Variants in ERN2 observed in about 807,000 individuals in gnomAD.
ERN2 encodes serine/threonine-protein kinase/endoribonuclease IRE2.
Under a neutral mutation model 107.9 loss-of-function variants are expected in ERN2, and 111 were observed. The ratio of observed to expected loss-of-function variants is 1.03; its 90% CI spans 0.88 to 1.20. The LOEUF (loss-of-function observed/expected upper bound fraction) is 1.20, where lower values mean the gene tolerates loss of function less well. ERN2 is among the 50% of genes most tolerant of loss of function. The pLI is 0.00. For missense variants in ERN2, 1,225 were observed against 1,197.9 expected (o/e 1.02, Z -0.33); for synonymous variants, 524 against 501.7 (o/e 1.04, Z -0.59).
intron 8 of ERN2, among the ~76,000 whole-genome samples, chr16:23,704,345 C>T (rs768364117): frequency 6.6e-6 from 1 of 152,048 alleles, no homozygotes; most frequent in Admixed American, 6.6e-5. Flanking sequence ...GGTAGGGACC[C>T]GGTGGGAGGT....
At position 23,702,160 on chromosome 16, in the gene ERN2, A is replaced by G. The variant is rs1960100734; in HGVS notation, c.1195T>C (p.Phe399Leu). Residue 399 changes from phenylalanine (F) to leucine (L), a missense_variant, in exon 11 of 22, where the codon TTC becomes CTC. Transcript: ENST00000256797. ...PPENTQAPAF[F>L]LELLSLSREK... ...CCCCTCCCAGCACTGACCTCCAAGAAGAAGGCTGGGGCCTGGGTATTCTCT... is the reference window on the plus strand; with the variant it reads ...CCCCTCCCAGCACTGACCTCCAAGAGGAAGGCTGGGGCCTGGGTATTCTCT... 6.2e-7 allele frequency: 1 copy of G among 1,613,264 alleles called. No individual in the cohort carries two copies.
Position 23,690,662 on chromosome 16 carries a change from G to C in ERN2, c.*169C>G. The C allele has an allele frequency of 1.6e-6, 1 of 623,900 alleles. No individual in the cohort carries two copies. The highest frequency in any genetic ancestry group is 2.8e-5 in the East Asian group (1 of 36,284). 38.6% of individuals were successfully genotyped at this position (623,900 alleles called of 1,614,324 possible). A position where few individuals can be genotyped will look rare whatever the true frequency, so the allele number is the denominator to read the frequency against. ...GTAGAAATGGGGTGTTGCCATGTTG[G>C]CCAGGCTGGTCTCGAACTCCTGAGC... On this transcript the variant is annotated 3_prime_UTR_variant, in exon 22 of 22. Transcript: ENST00000256797.
intron 2 of ERN2, among the ~76,000 whole-genome samples, 156 bp downstream of exon 2, chr16:23,710,757 G>A (rs911397852): frequency 3.3e-5 from 5 of 152,220 alleles, no homozygotes; most frequent in Admixed American, 2.0e-4. Flanking sequence ...GGTAAGGTGG[G>A]TTTCTCAAGG....
rs767113743 is a variant in ERN2, at chr16:23,692,339, CAG to C, written c.2101-10_2101-9del. Reference sequence around the variant, plus strand: ...GATGTCCACAGCGCTGGTCTGGAGCCAGAGAGATGGGCATGAGAAGGAAATCT... The same window carrying C: ...GATGTCCACAGCGCTGGTCTGGAGCCAGAGATGGGCATGAGAAGGAAATCT... On this transcript the variant is annotated splice_polypyrimidine_tract_variant and intron_variant, in intron 17 of 21. Coordinates refer to ENST00000256797, the MANE Select transcript of ERN2 (RefSeq NM_033266.4). 1 of 1,611,376 alleles carries C rather than the reference CAG, an allele frequency of 6.2e-7. No individual in the cohort carries two copies. Among genetic ancestry groups the C allele is most frequent in the Non-Finnish European group, 8.5e-7 (1 of 1,179,976 alleles).
chr16:23,703,339 C>T (rs1268341863), intron 8 of ERN2, among the ~76,000 whole-genome samples: 1 of 152,140 alleles, frequency 6.6e-6, no homozygotes, highest in African/African-American at 2.4e-5. Context: ...TGACAGTACC[C>T]ACGTGCTTCT....
chr16:23,702,225 T>G lies in ERN2; in HGVS notation c.1130A>C (p.His377Pro), dbSNP rs1336850069. 8 of 1,614,004 alleles carry G rather than the reference T, an allele frequency of 5.0e-6. No individual in the cohort carries two copies. The highest frequency in any genetic ancestry group is 6.8e-6 in the Non-Finnish European group (8 of 1,180,010). ...TGCAGTTCCACTCCCCAGGGTGGGATGGACCCTCAGCATGGTGGTGTGCAG... is the reference window on the plus strand; with the variant it reads ...TGCAGTTCCACTCCCCAGGGTGGGAGGGACCCTCAGCATGGTGGTGTGCAG... Reference protein sequence around the residue: ...PVLHTTMLRVHPTLGSGTAET... With the variant: ...PVLHTTMLRVPPTLGSGTAET... The change falls in exon 11 of 22, where the codon CAT becomes CCT. Residue 377 changes from histidine to proline, a missense_variant. His to Pro is a moderately conservative substitution (Grantham distance 77). Coordinates refer to ENST00000256797, the MANE Select transcript of ERN2 (RefSeq NM_033266.4).
At chr16:23,696,044 C>T in intron 13 of ERN2, 66 bp from the exon 14 acceptor site, 1 of 1,212,472 alleles carries the variant, frequency 8.2e-7, no homozygotes, top group Non-Finnish European at 1.2e-6. Flanking sequence ...TGGCCCAGTC[C>T]AGACTCACCT....
rs369933521 is a variant in ERN2, at chr16:23,710,894, G to A, written c.199+19C>T. The A allele has an allele frequency of 1.9e-5, 29 of 1,564,362 alleles. No individual in the cohort carries two copies. In the South Asian group the frequency reaches 3.1e-4, roughly 17 times the overall value. On this transcript the variant is annotated intron_variant, in intron 2 of 21. Coordinates refer to ENST00000256797, the MANE Select transcript of ERN2 (RefSeq NM_033266.4). ...AATCTATGGGCCCAAGGAGGGAGGAGGGACCACCTCTTGCTCACCATCCCT... is the reference window on the plus strand; with the variant it reads ...AATCTATGGGCCCAAGGAGGGAGGAAGGACCACCTCTTGCTCACCATCCCT...
intron 18 of ERN2, 41 bp from the exon 19 acceptor site, chr16:23,692,131 T>C: frequency 1.2e-6 from 2 of 1,613,816 alleles, no homozygotes; most frequent in Non-Finnish European, 1.7e-6. Flanking sequence ...GCTTCAGGCC[T>C]GCCTAGCGTC....
At chr16:23,701,168 A>G in intron 11 of ERN2, 54 bp from the exon 12 acceptor site, 1 of 1,573,552 alleles carries the variant, frequency 6.4e-7, no homozygotes, top group Non-Finnish European at 8.6e-7. Context: ...GGGAACCCCT[A>G]ACTTTTCTTC....
chr16:23,702,376 C>A lies in ERN2; in HGVS notation c.1081+14G>T, dbSNP rs377148508. ...TATCTTCATCTACTCCCAATTTGAG[C>A]CAGAGGATCTCACCAATGAGCAGCC... On this transcript the variant is annotated intron_variant, in intron 10 of 21. Transcript: ENST00000256797. 18 of 1,611,468 alleles carry A rather than the reference C, an allele frequency of 1.1e-5. No individual in the cohort carries two copies. The African/African-American group carries it at 2.1e-4, about 19-fold the overall frequency.
At position 23,704,528 on chromosome 16, in the gene ERN2, C is replaced by T. The variant is rs529402102; in HGVS notation, c.854+355G>A. Among the ~76,000 whole-genome samples, 12 of 152,310 alleles carry T rather than the reference C, an allele frequency of 7.9e-5. 1 individual carries two copies. The South Asian group carries it at 2.5e-3, about 32-fold the overall frequency. On this transcript the variant is annotated intron_variant, in intron 8 of 21. Transcript: ENST00000256797. ...GCTTTCTGCCATGATTGTGAGGCTTCCCCAGCCACGTGGAACTGAAAGTCC... is the reference window on the plus strand; with the variant it reads ...GCTTTCTGCCATGATTGTGAGGCTTTCCCAGCCACGTGGAACTGAAAGTCC...
intron 8 of ERN2, 88 bp downstream of exon 8, chr16:23,704,795 C>T (rs1204693743): frequency 7.1e-7 from 1 of 1,412,606 alleles, no homozygotes. Context: ...ACTGGTGTGT[C>T]ACAGCTGAAC....
intron 7 of ERN2, among the ~76,000 whole-genome samples, chr16:23,705,528 G>A (rs1427734393): frequency 1.3e-5 from 2 of 152,056 alleles, no homozygotes; most frequent in Non-Finnish European, 2.9e-5. Context: ...GGTGACCTGT[G>A]TAGGGTCTCA....
At position 23,694,810 on chromosome 16, in the gene ERN2, C is replaced by T; in HGVS notation, c.2018G>A (p.Ser673Asn). 2 of 1,613,820 alleles carry T rather than the reference C, an allele frequency of 1.2e-6. No individual in the cohort carries two copies. Among genetic ancestry groups the T allele is most frequent in the South Asian group, 1.1e-5 (1 of 91,030 alleles). Reference protein sequence around the residue: ...LCKKLPAGRCSFSLHSGIPGT... With the variant: ...LCKKLPAGRCNFSLHSGIPGT... ...GGGGATGCCGGAGTGGAGGCTGAAGCTACAGCGGCCAGCAGGCAGCTTCTT... is the reference window on the plus strand; with the variant it reads ...GGGGATGCCGGAGTGGAGGCTGAAGTTACAGCGGCCAGCAGGCAGCTTCTT... Residue 673 changes from serine to asparagine, a missense_variant, in exon 17 of 22, where the codon AGC becomes AAC. Physicochemically the swap from Ser to Asn is conservative, Grantham distance 46. Transcript: ENST00000256797.
In ERN2 at chr16:23,695,415, A is replaced by G. The variant is rs1418293789; in HGVS notation, c.1611-26T>C. The G allele has an allele frequency of 3.8e-6, 6 of 1,562,178 alleles. No homozygotes were observed. The South Asian group carries it at 4.7e-5, about 12-fold the overall frequency. On this transcript the variant is annotated intron_variant, in intron 14 of 21. Transcript: ENST00000256797. The stretch of plus-strand genomic sequence containing the variant: ...CTGGAAAGTGGGTGATGGCGGGGGC[A>G]GGGGGGCATTCAGGGAAAGCAGATA...
At position 23,691,400 on chromosome 16, in the gene ERN2, T is replaced by G; in HGVS notation, c.2402A>C (p.Glu801Ala). 1 of 1,599,780 alleles carries G rather than the reference T, an allele frequency of 6.3e-7. No individual in the cohort carries two copies. The highest frequency in any genetic ancestry group is 8.5e-7 in the Non-Finnish European group (1 of 1,179,730). ...FQDVSDWLEK[E>A]SEQEPLVRAL... ...CCTCACCAGGGGCTCCTGCTCGGACTCCTTCTCCAGCCAGTCACTGACGTC... is the reference window on the plus strand; with the variant it reads ...CCTCACCAGGGGCTCCTGCTCGGACGCCTTCTCCAGCCAGTCACTGACGTC... The change falls in exon 20 of 22, where the codon GAG becomes GCG. Residue 801 changes from glutamate to alanine, a missense_variant. Transcript: ENST00000256797.
chr16:23,700,600 C>T lies in ERN2; in HGVS notation c.1464G>A (p.Arg488=), dbSNP rs1324253453. Residue 488 remains arginine (R), a synonymous_variant, in exon 13 of 22, where the codon CGG becomes CGA. Coordinates refer to ENST00000256797, the MANE Select transcript of ERN2 (RefSeq NM_033266.4). ...DAQSLHSGAS[R]RSQKRLQSPS... ...GACTCTGAAGCCTCTTCTGGCTCCT[C>T]CGGCTGGCCCCCGAGTGCAGGGACT... is the stretch of plus-strand genomic sequence containing the variant. 40 of 1,614,146 alleles carry T rather than the reference C, an allele frequency of 2.5e-5. No individual in the cohort carries two copies. Among genetic ancestry groups the T allele is most frequent in the Non-Finnish European group, 3.2e-5 (38 of 1,180,010 alleles).
chr16:23,692,672 GC>G (rs781683871), intron 17 of ERN2, among the ~76,000 whole-genome samples: 1 of 152,148 alleles, frequency 6.6e-6, no homozygotes, highest in Non-Finnish European at 1.5e-5. Context: ...TGCAGGGGCA[GC>G]TGGTCCTTAG....
Sources: allele counts gnomAD v4.1 joint callset (sites outside exome capture counted in the v4.1 genomes callset), GRCh38; gene constraint gnomAD v4.1.1; transcripts MANE v1.5; gene names NCBI Gene and HGNC (gene_info 2026-07-23, HGNC 2026-07-21).